Variants in AIG1 observed in about 807,000 individuals in gnomAD.
AIG1 encodes androgen-induced gene 1 protein.
AIG1 carries 23 observed loss-of-function variants against 31.4 expected under a neutral mutation model. The observed-to-expected ratio is 0.73, with a 90% CI of 0.53 to 1.04. The LOEUF (loss-of-function observed/expected upper bound fraction) is 1.04. Ranked by LOEUF, AIG1 falls within the 50% of genes least tolerant of loss-of-function variation. The probability of loss-of-function intolerance (pLI) is 0.00; values close to 1 mark genes in which losing one functional copy is unlikely to be tolerated. For missense variants in AIG1, 274 were observed against 295.0 expected (o/e 0.93, Z 0.52); for synonymous variants, 100 against 110.5 (o/e 0.90, Z 0.60).
rs954460806 is a variant in AIG1, at chr6:143,325,541, A to G, written c.516-7741A>G. ...CCCTTCAAACAGGCTCCCTTACAGC[A>G]TTCCCTCTCTCAGGAAATGGCAGCT... On this transcript the variant is annotated intron_variant, in intron 4 of 5. Coordinates refer to ENST00000357847, the MANE Select transcript of AIG1 (RefSeq NM_016108.4). This position sits in a 1 kb window ranked among gnomAD's most constrained non-coding sequence, Gnocchi z 4.3. Among the ~76,000 whole-genome samples the G allele has an allele frequency of 2.0e-5, 3 of 152,194 alleles. No individual in the cohort carries two copies. The highest frequency in any genetic ancestry group is 2.1e-4 in the South Asian group (1 of 4,832).
At chr6:143,333,000 T>A (rs1435456357) in intron 4 of AIG1, among the ~76,000 whole-genome samples, 1 of 152,220 alleles carries the variant, frequency 6.6e-6, no homozygotes, top group Non-Finnish European at 1.5e-5. Context: ...GTTAATTTTT[T>A]AATTTTAGTC....
rs1317613928 is a variant in AIG1, at chr6:143,334,898, A to G, written c.679+1453A>G. Among the ~76,000 whole-genome samples the G allele has an allele frequency of 6.6e-6, 1 of 152,128 alleles. No homozygotes were observed. The highest frequency in any genetic ancestry group is 2.4e-5 in the African/African-American group (1 of 41,430). On this transcript the variant is annotated intron_variant, in intron 5 of 5. Coordinates refer to ENST00000357847, the MANE Select transcript of AIG1 (RefSeq NM_016108.4). This position sits in a 1 kb window ranked among gnomAD's most constrained non-coding sequence, Gnocchi z 5.1. ...TGAAAACCACTAGAGAGAAATATCC[A>G]CTCTACATTAATAGAATACTGCTTT...
At chr6:143,266,826 C>A (rs1440703998) in intron 3 of AIG1, among the ~76,000 whole-genome samples, 1 of 152,070 alleles carries the variant, frequency 6.6e-6, no homozygotes, top group African/African-American at 2.4e-5. Flanking sequence ...TGTAGTTTAG[C>A]CCTACGCAGG....
intron 3 of AIG1, among the ~76,000 whole-genome samples, chr6:143,217,718 A>G (rs181221434): frequency 2.0e-5 from 3 of 152,288 alleles, no homozygotes; most frequent in South Asian, 2.1e-4. Context: ...CATGTTGGCC[A>G]GGCTCATCTG....
At position 143,207,193 on chromosome 6, in the gene AIG1, A is replaced by G. The variant is rs1297908085; in HGVS notation, c.399+42010A>G. 3.9e-5 allele frequency among the ~76,000 whole-genome samples: 6 copies of G among 152,256 alleles called. No homozygotes were observed. In the East Asian group the frequency reaches 1.2e-3, roughly 29 times the overall value. On this transcript the variant is annotated intron_variant, in intron 3 of 5. Coordinates refer to ENST00000357847, the MANE Select transcript of AIG1 (RefSeq NM_016108.4). ...CCCCAGTTGCAATGACTTAAGACTT[A>G]GATTCCATTCCATGAGTGTCTTGCT...
At chr6:143,224,077 G>A (rs925751444) in intron 3 of AIG1, among the ~76,000 whole-genome samples, 11 of 152,100 alleles carry the variant, frequency 7.2e-5, no homozygotes, top group African/African-American at 2.4e-4. Flanking sequence ...CCTTTGTCCT[G>A]CAGTCTCGTG....
At chr6:143,123,611 A>G (rs1412694002) in intron 1 of AIG1, among the ~76,000 whole-genome samples, 2 of 152,078 alleles carry the variant, frequency 1.3e-5, no homozygotes, top group African/African-American at 2.4e-5. Context: ...ATGTTGATAC[A>G]TGTTACTTTA....
intron 3 of AIG1, among the ~76,000 whole-genome samples, chr6:143,231,821 C>T (rs180895159): frequency 6.6e-6 from 1 of 152,316 alleles, no homozygotes; most frequent in East Asian, 1.9e-4. Flanking sequence ...TTAATAGCTA[C>T]ATGCATGTTG....
intron 4 of AIG1, among the ~76,000 whole-genome samples, chr6:143,312,769 T>C (rs2128708353): frequency 6.6e-6 from 1 of 151,856 alleles, no homozygotes; most frequent in Admixed American, 6.6e-5. Flanking sequence ...AGTGAAGAGA[T>C]AACCCACAGA....
intron 1 of AIG1, among the ~76,000 whole-genome samples, chr6:143,134,958 T>G (rs1783601121): frequency 6.6e-6 from 1 of 152,084 alleles, no homozygotes; most frequent in Non-Finnish European, 1.5e-5. Context: ...CATTTCCAAC[T>G]TAAGATATTT....
chr6:143,203,895 A>G (rs1047158171), intron 3 of AIG1, among the ~76,000 whole-genome samples: 1 of 152,172 alleles, frequency 6.6e-6, no homozygotes, highest in African/African-American at 2.4e-5. Context: ...GTGAAAACCA[A>G]ATTGCCTTGT....
chr6:143,096,809 C>T (rs1205293425), intron 1 of AIG1, among the ~76,000 whole-genome samples: 1 of 152,192 alleles, frequency 6.6e-6, no homozygotes, highest in Non-Finnish European at 1.5e-5. Context: ...AGTTATGGAT[C>T]TCTATCAAAT....
At chr6:143,184,159 A>G (rs1251924049) in intron 3 of AIG1, among the ~76,000 whole-genome samples, 1 of 152,236 alleles carries the variant, frequency 6.6e-6, no homozygotes, top group South Asian at 2.1e-4. Flanking sequence ...CCCTCTGATT[A>G]AGCATCTCCA....
chr6:143,150,771 G>T (rs1243611718), intron 2 of AIG1, among the ~76,000 whole-genome samples: 2 of 152,124 alleles, frequency 1.3e-5, no homozygotes, highest in African/African-American at 4.8e-5. Flanking sequence ...ATTTACATTG[G>T]ATCCCCAGGT....
chr6:143,185,132 G>T (rs771957369), intron 3 of AIG1, among the ~76,000 whole-genome samples: 4 of 150,406 alleles, frequency 2.7e-5, no homozygotes, highest in African/African-American at 9.8e-5. Context: ...GGAGGTGGAG[G>T]TTGCAGTGAG....
intron 1 of AIG1, among the ~76,000 whole-genome samples, chr6:143,101,465 A>T (rs1780273352): frequency 6.6e-6 from 1 of 152,142 alleles, no homozygotes; most frequent in Non-Finnish European, 1.5e-5. Context: ...GGAAGATAGG[A>T]TTAAGGGTCT....
intron 4 of AIG1, among the ~76,000 whole-genome samples, chr6:143,306,421 G>C (rs996132981): frequency 6.6e-6 from 1 of 151,922 alleles, no homozygotes; most frequent in African/African-American, 2.4e-5. Flanking sequence ...GGCAGGCCTG[G>C]TGGTGACAAA....
intron 3 of AIG1, among the ~76,000 whole-genome samples, chr6:143,261,577 A>G (rs1406799074): frequency 6.7e-6 from 1 of 149,142 alleles, no homozygotes; most frequent in Admixed American, 7.3e-5. Flanking sequence ...TTTATGTGGC[A>G]AAAAAATCTA....
intron 3 of AIG1, among the ~76,000 whole-genome samples, chr6:143,252,584 C>A (rs1259194284): frequency 6.6e-6 from 1 of 152,128 alleles, no homozygotes; most frequent in Non-Finnish European, 1.5e-5. Context: ...TCTGAAACAA[C>A]ATTAGGGGCC....
Sources: allele counts gnomAD v4.1 joint callset (sites outside exome capture counted in the v4.1 genomes callset), GRCh38; gene constraint gnomAD v4.1.1; non-coding constraint Gnocchi (gnomAD v3.1); transcripts MANE v1.5; gene names NCBI Gene and HGNC (gene_info 2026-07-23, HGNC 2026-07-21).